KCNN3: variants seen among roughly 807,000 people sequenced by gnomAD.
KCNN3 encodes the protein small conductance calcium-activated potassium channel protein 3.
Under a neutral mutation model 62.9 loss-of-function variants are expected in KCNN3, and 16 were observed. That is an observed-to-expected ratio of 0.25 (90% CI 0.17 to 0.39). The LOEUF (loss-of-function observed/expected upper bound fraction) is 0.39. Ranked by LOEUF, KCNN3 falls within the 10% of genes least tolerant of loss-of-function variation. The pLI is 1.00. For synonymous variants in KCNN3, 370 were observed against 389.2 expected (o/e 0.95, Z 0.58); for missense variants, 599 against 949.4 (o/e 0.63, Z 4.85).
chr1:154,861,244 C>T (rs747777468), intron 1 of KCNN3, among the ~76,000 whole-genome samples: 7 of 152,070 alleles, frequency 4.6e-5, no homozygotes, highest in East Asian at 1.9e-4. Context: ...TATGAGCCAC[C>T]GCGCCTGGCC....
At chr1:154,720,415 A>G (rs1291991145) in intron 5 of KCNN3, among the ~76,000 whole-genome samples, 1 of 152,242 alleles carries the variant, frequency 6.6e-6, no homozygotes, top group African/African-American at 2.4e-5. Context: ...TCCATTGTAA[A>G]GACTTGAAGA....
intron 1 of KCNN3, among the ~76,000 whole-genome samples, chr1:154,847,974 C>T (rs995786276): frequency 7.2e-5 from 11 of 152,200 alleles, no homozygotes; most frequent in South Asian, 2.1e-4. Context: ...GGCTCCAGCA[C>T]GCTGCTGCTG....
At chr1:154,786,683 G>A (rs1649295154) in intron 2 of KCNN3, among the ~76,000 whole-genome samples, 1 of 152,148 alleles carries the variant, frequency 6.6e-6, no homozygotes, top group Non-Finnish European at 1.5e-5. Context: ...ATCACCTCTG[G>A]CTAAACACTA....
At position 154,702,212 on chromosome 1, in the gene KCNN3, G is replaced by C. The variant is rs1251015930; in HGVS notation, c.*5764C>G. The C allele has an allele frequency of 1.3e-5, 2 of 152,090 alleles. No individual in the cohort carries two copies. Among genetic ancestry groups the C allele is most frequent in the East Asian group, 3.9e-4 (2 of 5,192 alleles). The allele number at this position is 152,090 out of a possible 1,614,324, so 9.4% of individuals were successfully genotyped here. On this transcript the variant is annotated 3_prime_UTR_variant, in exon 8 of 8. Coordinates refer to ENST00000271915, the MANE Select transcript of KCNN3 (RefSeq NM_002249.6). ...TCTGGGTGCCCGGCAATCACTAACA[G>C]TGATGTGTACTCAGAAACAGTCATT...
At chr1:154,739,509 C>T (rs999368537) in intron 3 of KCNN3, among the ~76,000 whole-genome samples, 4 of 152,260 alleles carry the variant, frequency 2.6e-5, no homozygotes, top group South Asian at 2.1e-4. Flanking sequence ...TTCCTATTTC[C>T]GACCTTCATA....
At chr1:154,756,423 TG>T (rs1161321769) in intron 3 of KCNN3, among the ~76,000 whole-genome samples, 2 of 152,168 alleles carry the variant, frequency 1.3e-5, no homozygotes, top group African/African-American at 4.8e-5. Flanking sequence ...CCCCACAACA[TG>T]GCACTCAGGG....
intron 5 of KCNN3, among the ~76,000 whole-genome samples, chr1:154,724,009 C>G (rs773331392): frequency 2.0e-5 from 3 of 152,210 alleles, no homozygotes; most frequent in Non-Finnish European, 4.4e-5. Flanking sequence ...CAAATCATGG[C>G]TTTTTTTGGT....
chr1:154,757,426 C>G (rs1245781276), intron 3 of KCNN3, among the ~76,000 whole-genome samples: 1 of 152,150 alleles, frequency 6.6e-6, no homozygotes, highest in Non-Finnish European at 1.5e-5. Context: ...AACAAGGGTG[C>G]AAGTTGCTCC....
At position 154,766,416 on chromosome 1, in the gene KCNN3, T is replaced by TTATATATATATATATATA. The variant is rs373253800; in HGVS notation, c.1448+5541_1448+5558dup. On this transcript the variant is annotated intron_variant, in intron 3 of 7. Coordinates refer to ENST00000271915, the MANE Select transcript of KCNN3 (RefSeq NM_002249.6). The stretch of plus-strand genomic sequence containing the variant: ...CCATTTATTAAATACTAGCCAGGCT[T>TTATATATATATATATATA]TATATATATATATATATATATATAT... Among the ~76,000 whole-genome samples, 448 of 71,722 alleles carry TTATATATATATATATATA rather than the reference T, an allele frequency of 6.2e-3. 41 individuals are homozygous for TTATATATATATATATATA. Among genetic ancestry groups the TTATATATATATATATATA allele is most frequent in the South Asian group, 0.011 (19 of 1,716 alleles). 47.1% of individuals were successfully genotyped at this position (71,722 alleles called of 152,430 possible).
chr1:154,833,966 T>A (rs1651479073), intron 1 of KCNN3, among the ~76,000 whole-genome samples: 1 of 152,232 alleles, frequency 6.6e-6, no homozygotes, highest in South Asian at 2.1e-4. Context: ...ACTATTGGCA[T>A]CTCAGTGCGG....
At chr1:154,759,107 C>CA (rs1230232221) in intron 3 of KCNN3, among the ~76,000 whole-genome samples, 25 of 151,612 alleles carry the variant, frequency 1.6e-4, no homozygotes, top group African/African-American at 3.9e-4. Context: ...CATGCCCGGC[C>CA]AAAAAAAATC....
intron 2 of KCNN3, among the ~76,000 whole-genome samples, chr1:154,790,416 A>G (rs1193288761): frequency 6.6e-6 from 1 of 152,238 alleles, no homozygotes; most frequent in Non-Finnish European, 1.5e-5. Context: ...AGCTTAACCT[A>G]GCCTGCCTTG....
chr1:154,838,187 A>G (rs1264669623), intron 1 of KCNN3, among the ~76,000 whole-genome samples: 2 of 152,138 alleles, frequency 1.3e-5, no homozygotes, highest in Non-Finnish European at 2.9e-5. Flanking sequence ...CGTCAGGGCT[A>G]AGACAGACCT....
At chr1:154,867,918 C>A in intron 1 of KCNN3, 2 of 982,988 alleles carry the variant, frequency 2.0e-6, no homozygotes, top group Non-Finnish European at 2.4e-6. Flanking sequence ...AGGAGAGCTC[C>A]CCGGCAAGCA....
chr1:154,707,830 C>A lies in KCNN3; in HGVS notation c.*146G>T. ...TTCAAGGCATGTCGGACCAAGCACG[C>A]TGAATGAACATGAGTTAGTTAATTA... On this transcript the variant is annotated 3_prime_UTR_variant, in exon 8 of 8. Transcript: ENST00000271915. 1 of 923,096 alleles carries A rather than the reference C, an allele frequency of 1.1e-6. No individual in the cohort carries two copies. The allele number at this position is 923,096 out of a possible 1,614,324, so 57.2% of individuals were successfully genotyped here.
intron 1 of KCNN3, among the ~76,000 whole-genome samples, chr1:154,839,174 A>G (rs1651722355): frequency 6.6e-6 from 1 of 152,180 alleles, no homozygotes; most frequent in African/African-American, 2.4e-5. Context: ...TCACTTATCC[A>G]TGAAATGAGT....
chr1:154,854,147 A>G (rs1452433559), intron 1 of KCNN3, among the ~76,000 whole-genome samples: 3 of 152,134 alleles, frequency 2.0e-5, no homozygotes, highest in Non-Finnish European at 2.9e-5. Flanking sequence ...AGGCAGGAGG[A>G]TAGCGTGAAC....
chr1:154,773,371 C>T (rs187771738), intron 2 of KCNN3, among the ~76,000 whole-genome samples: 1 of 152,344 alleles, frequency 6.6e-6, no homozygotes, highest in Non-Finnish European at 1.5e-5. Flanking sequence ...TATAATAAAC[C>T]AGTAAATGTG....
chr1:154,802,778 CCTA>C (rs1650014757), intron 2 of KCNN3, among the ~76,000 whole-genome samples: 1 of 152,208 alleles, frequency 6.6e-6, no homozygotes, highest in Admixed American at 6.5e-5. Context: ...CACAGCTCCA[CCTA>C]CTAACATGGG....
Sources: allele counts gnomAD v4.1 joint callset (sites outside exome capture counted in the v4.1 genomes callset), GRCh38; gene constraint gnomAD v4.1.1; transcripts MANE v1.5; gene names NCBI Gene and HGNC (gene_info 2026-07-23, HGNC 2026-07-21).